Variants in STAG1 observed in about 807,000 individuals in gnomAD.
STAG1 encodes cohesin subunit SA-1.
Under a neutral mutation model 170.9 loss-of-function variants are expected in STAG1, and 26 were observed. That is an observed-to-expected ratio of 0.15 (90% CI 0.11 to 0.21). The LOEUF is 0.21. STAG1 is among the 10% of genes least tolerant of loss of function. STAG1 has a pLI of 1.00. For synonymous variants in STAG1, 514 were observed against 497.7 expected, an observed-to-expected ratio of 1.03 and a Z score of -0.44; for missense variants, 964 against 1,509.5, an observed-to-expected ratio of 0.64 and a Z score of 5.99.
At chr3:136,383,904 G>A (rs942850719) in intron 22 of STAG1, among the ~76,000 whole-genome samples, 1 of 145,540 alleles carries the variant, frequency 6.9e-6, no homozygotes, top group African/African-American at 2.5e-5. Flanking sequence ...GCAGTGAGCC[G>A]AGATCGCACC....
intron 3 of STAG1, among the ~76,000 whole-genome samples, chr3:136,607,728 G>T (rs1247182570): frequency 6.6e-6 from 1 of 152,186 alleles, no homozygotes; most frequent in African/African-American, 2.4e-5. Flanking sequence ...TTACTTTGTT[G>T]TTCAAATTGT....
At chr3:136,675,066 C>A (rs1430596706) in intron 1 of STAG1, among the ~76,000 whole-genome samples, 1 of 152,144 alleles carries the variant, frequency 6.6e-6, no homozygotes. Flanking sequence ...ATAATTGTAA[C>A]CAACAGTAGA....
chr3:136,397,725 G>C (rs1194751783), intron 22 of STAG1, among the ~76,000 whole-genome samples: 1 of 152,036 alleles, frequency 6.6e-6, no homozygotes, highest in Non-Finnish European at 1.5e-5. Context: ...GATGGACCTT[G>C]AGAAACATCC....
chr3:136,472,417 G>C lies in STAG1; in HGVS notation c.1201C>G (p.Leu401Val). 6.2e-7 allele frequency: 1 copy of C among 1,607,168 alleles called. No individual in the cohort carries two copies. Among genetic ancestry groups the C allele is most frequent in the Non-Finnish European group, 8.5e-7 (1 of 1,174,652 alleles). ...VEAIRLVTLI[L>V]HGSEEALSNE... ...ATAGTAATGGATATTACTTACTGAA[G>C]TATCAGAGTAACCAATCGAATAGCT... The change falls in exon 12 of 34, where the codon CTT becomes GTT. Residue 401 changes from leucine (L) to valine (V), a missense_variant. Coordinates refer to ENST00000383202, the MANE Select transcript of STAG1 (RefSeq NM_005862.3).
chr3:136,528,537 A>C (rs1306454151), intron 6 of STAG1, among the ~76,000 whole-genome samples: 1 of 129,228 alleles, frequency 7.7e-6, no homozygotes, highest in Non-Finnish European at 1.6e-5. Flanking sequence ...AAAGGAATCC[A>C]AATTATTTAT....
chr3:136,730,366 T>C (rs1019518267), intron 1 of STAG1, among the ~76,000 whole-genome samples: 3 of 152,140 alleles, frequency 2.0e-5, no homozygotes, highest in Admixed American at 2.0e-4. Flanking sequence ...GAACCCAAGG[T>C]TTTTTGTTTT....
At chr3:136,363,313 A>C (rs1936948144) in intron 26 of STAG1, 53 bp downstream of exon 26, 5 of 916,992 alleles carry the variant, frequency 5.5e-6, no homozygotes, top group Non-Finnish European at 8.9e-6. Context: ...AAGCACAGAG[A>C]AGTGCAATAA....
At chr3:136,498,865 C>T (rs147705599) in intron 9 of STAG1, among the ~76,000 whole-genome samples, 63 of 152,264 alleles carry the variant, frequency 4.1e-4, no homozygotes, top group African/African-American at 1.5e-3. Flanking sequence ...TTCAAAAGAA[C>T]ATTTTATTCT....
Position 136,568,811 on chromosome 3 carries a change from T to G in STAG1, c.348A>C (p.Ala116=), listed in dbSNP as rs753900729. 6.2e-7 allele frequency: 1 copy of G among 1,612,538 alleles called. No homozygotes were observed. The highest frequency in any genetic ancestry group is 8.5e-7 in the Non-Finnish European group (1 of 1,179,548). Residue 116 remains alanine (A), a synonymous_variant, in exon 5 of 34, where the codon GCA becomes GCC. Transcript: ENST00000383202. The part of the protein sequence containing the change: ...IESYKQDRDI[A]LLDLINFFIQ... ...TAAAAAAGTTGATTAAATCCAGAAG[T>G]GCGATGTCCCTGTCTTGTTTATATG...
chr3:136,548,970 T>A (rs969694019), intron 5 of STAG1, among the ~76,000 whole-genome samples: 1 of 152,158 alleles, frequency 6.6e-6, no homozygotes, highest in African/African-American at 2.4e-5. Context: ...TGCTTTCCCT[T>A]CTAATTCTGC....
intron 23 of STAG1, among the ~76,000 whole-genome samples, chr3:136,372,957 G>A (rs1454804878): frequency 3.3e-5 from 5 of 152,198 alleles, no homozygotes; most frequent in Admixed American, 1.3e-4. Context: ...GGTAGAATTC[G>A]GCTGTGAATC....
At chr3:136,634,541 T>C (rs1444923673) in intron 1 of STAG1, among the ~76,000 whole-genome samples, 2 of 141,170 alleles carry the variant, frequency 1.4e-5, no homozygotes, top group African/African-American at 5.3e-5. Flanking sequence ...AAACACAATA[T>C]ATCAAAATGT....
intron 16 of STAG1, among the ~76,000 whole-genome samples, chr3:136,430,741 C>T (rs1322500804): frequency 1.3e-5 from 2 of 150,014 alleles, no homozygotes; most frequent in Admixed American, 6.7e-5. Flanking sequence ...ACAGGTTGGA[C>T]AAGCTTGATT....
chr3:136,553,646 C>T (rs1317054469), intron 5 of STAG1, among the ~76,000 whole-genome samples: 1 of 152,098 alleles, frequency 6.6e-6, no homozygotes, highest in Non-Finnish European at 1.5e-5. Flanking sequence ...TGGTGGTGTG[C>T]GCCTGTAGTC....
At chr3:136,378,075 G>A (rs1286975542) in intron 22 of STAG1, among the ~76,000 whole-genome samples, 1 of 152,172 alleles carries the variant, frequency 6.6e-6, no homozygotes, top group Admixed American at 6.5e-5. Context: ...ATTACTGCTA[G>A]TAAAGTGAGG....
intron 1 of STAG1, among the ~76,000 whole-genome samples, chr3:136,683,393 A>G (rs2107889367): frequency 6.6e-6 from 1 of 151,932 alleles, no homozygotes; most frequent in South Asian, 2.1e-4. Context: ...CCTCCCAAGT[A>G]GCTAGGACCA....
intron 5 of STAG1, among the ~76,000 whole-genome samples, chr3:136,544,579 A>G (rs1468921927): frequency 6.6e-6 from 1 of 152,030 alleles, no homozygotes; most frequent in Non-Finnish European, 1.5e-5. Context: ...CCTGGGCAAC[A>G]CGGCGAGACA....
At chr3:136,355,889 T>A (rs1295929788) in intron 28 of STAG1, among the ~76,000 whole-genome samples, 6 of 152,028 alleles carry the variant, frequency 3.9e-5, no homozygotes, top group Non-Finnish European at 2.9e-5. Flanking sequence ...AAAACAGAAA[T>A]GCAACATACC....
In STAG1 at chr3:136,544,270, C is replaced by A. The variant is rs1936042916; in HGVS notation, c.395-2075G>T. 3.9e-5 allele frequency among the ~76,000 whole-genome samples: 6 copies of A among 152,132 alleles called. No individual in the cohort carries two copies. In the South Asian group the frequency reaches 1.2e-3, roughly 32 times the overall value. On this transcript the variant is annotated intron_variant, in intron 5 of 33. Coordinates refer to ENST00000383202, the MANE Select transcript of STAG1 (RefSeq NM_005862.3). ...TGAACCACACAGTTTAGAGAAATGT[C>A]TCAACCCTGTCCCTCCTCAGTCATT... is the stretch of plus-strand genomic sequence containing the variant.
Sources: gnomAD v4.1 joint callset for allele counts (sites outside exome capture counted in the v4.1 genomes callset) on GRCh38, gnomAD v4.1.1 for gene constraint, MANE v1.5 for transcripts, NCBI Gene and HGNC (gene_info 2026-07-23, HGNC 2026-07-21) for gene names.